Variants in MRTFA observed in about 807,000 individuals in gnomAD.
MRTFA encodes the protein myocardin-related transcription factor A.
Under a neutral mutation model 83.5 loss-of-function variants are expected in MRTFA, and 20 were observed. The observed-to-expected ratio is 0.24, with a 90% confidence interval of 0.17 to 0.35. The LOEUF (loss-of-function observed/expected upper bound fraction) is 0.35, where lower values mean the gene tolerates loss of function less well. Among genes scored for constraint, MRTFA ranks in the 10% least tolerant of loss-of-function variants. MRTFA has a pLI of 1.00. For synonymous variants in MRTFA, 659 were observed against 541.2 expected, an observed-to-expected ratio of 1.22 and a Z score of -3.02; for missense variants, 1,200 against 1,224.7, an observed-to-expected ratio of 0.98 and a Z score of 0.30.
intron 14 of MRTFA, chr22:40,413,023 G>A (rs534295833): frequency 6.7e-6 from 1 of 149,884 alleles, no homozygotes; most frequent in Non-Finnish European, 1.5e-5. Flanking sequence ...TGTAATCCCA[G>A]CTACTCAGGA....
chr22:40,532,479 C>G (rs188906375), intron 3 of MRTFA, among the ~76,000 whole-genome samples: 1 of 152,234 alleles, frequency 6.6e-6, no homozygotes, highest in East Asian at 1.9e-4. Flanking sequence ...ACACAAAGCT[C>G]AATAGATCTG....
At chr22:40,469,388 G>A (rs1278860851) in intron 3 of MRTFA, among the ~76,000 whole-genome samples, 2 of 152,034 alleles carry the variant, frequency 1.3e-5, no homozygotes, top group African/African-American at 2.4e-5. Context: ...TCCCTCTCTC[G>A]CCATGTGACA....
intron 1 of MRTFA, among the ~76,000 whole-genome samples, chr22:40,617,317 C>T (rs2056463933): frequency 6.6e-6 from 1 of 151,838 alleles, no homozygotes; most frequent in Non-Finnish European, 1.5e-5. Context: ...TGGATGAGGT[C>T]TCCTACAGAG....
chr22:40,456,671 A>G (rs2053591552), intron 4 of MRTFA, among the ~76,000 whole-genome samples: 1 of 152,192 alleles, frequency 6.6e-6, no homozygotes, highest in Admixed American at 6.5e-5. Flanking sequence ...TGGATAACAG[A>G]ACCAGATCCT....
intron 1 of MRTFA, among the ~76,000 whole-genome samples, chr22:40,633,102 T>C (rs946197097): frequency 2.6e-5 from 4 of 152,216 alleles, no homozygotes; most frequent in African/African-American, 9.6e-5. Context: ...CATCAATGTT[T>C]TCTCTTTTCT....
At chr22:40,429,344 A>G (rs1370657842) in intron 7 of MRTFA, 4 of 618,790 alleles carry the variant, frequency 6.5e-6, no homozygotes, top group Non-Finnish European at 1.2e-5. Context: ...CCGAGTTTAC[A>G]AAGATGGAAA....
At chr22:40,607,876 T>C (rs1420317723) in intron 1 of MRTFA, among the ~76,000 whole-genome samples, 1 of 152,246 alleles carries the variant, frequency 6.6e-6, no homozygotes, top group East Asian at 1.9e-4. Context: ...ATCAATTCTA[T>C]TGTTTAGATG....
At chr22:40,513,602 C>CAAAAA (rs111580647) in intron 3 of MRTFA, among the ~76,000 whole-genome samples, 1 of 65,912 alleles carries the variant, frequency 1.5e-5, no homozygotes, top group Non-Finnish European at 3.0e-5. Context: ...GACTCCATCT[C>CAAAAA]AAAAAAAAAA....
intron 3 of MRTFA, among the ~76,000 whole-genome samples, chr22:40,472,444 T>A (rs956871242): frequency 6.6e-6 from 1 of 152,254 alleles, no homozygotes; most frequent in Non-Finnish European, 1.5e-5. Flanking sequence ...TTAAGGCACA[T>A]CATCTTTTGC....
At chr22:40,524,889 C>T (rs1479059537) in intron 3 of MRTFA, among the ~76,000 whole-genome samples, 1 of 152,176 alleles carries the variant, frequency 6.6e-6, no homozygotes, top group African/African-American at 2.4e-5. Flanking sequence ...CTCACTGCAA[C>T]CTCCACCTCC....
chr22:40,430,293 G>C (rs1173712828), intron 6 of MRTFA, among the ~76,000 whole-genome samples: 3 of 151,872 alleles, frequency 2.0e-5, no homozygotes, highest in African/African-American at 4.8e-5. Flanking sequence ...TTCGAGACCA[G>C]CCTGATCAAT....
intron 2 of MRTFA, among the ~76,000 whole-genome samples, chr22:40,568,807 A>C (rs1025669000): frequency 3.3e-5 from 5 of 152,378 alleles, no homozygotes; most frequent in Middle Eastern, 3.4e-3. Flanking sequence ...GTCAGCAGTC[A>C]GTGCTGTACA....
chr22:40,486,173 A>G (rs908628010), intron 3 of MRTFA, among the ~76,000 whole-genome samples: 5 of 151,846 alleles, frequency 3.3e-5, no homozygotes, highest in Admixed American at 6.6e-5. Context: ...TCATCCCCAC[A>G]CTTGTTAGGC....
At chr22:40,513,577 G>A (rs1312487149) in intron 3 of MRTFA, among the ~76,000 whole-genome samples, 2 of 144,972 alleles carry the variant, frequency 1.4e-5, no homozygotes, top group South Asian at 2.2e-4. Context: ...CTGCAGCCTG[G>A]GCAACAAGAG....
chr22:40,468,877 AAGACT>A (rs1294317883), intron 3 of MRTFA, among the ~76,000 whole-genome samples: 1 of 152,188 alleles, frequency 6.6e-6, no homozygotes, highest in African/African-American at 2.4e-5. Flanking sequence ...AATCAACTGA[AAGACT>A]GGTCTGGTTG....
intron 1 of MRTFA, among the ~76,000 whole-genome samples, chr22:40,612,819 T>C (rs2056402533): frequency 6.6e-6 from 1 of 152,206 alleles, no homozygotes; most frequent in Non-Finnish European, 1.5e-5. Context: ...GGTATAGTGG[T>C]GCATGGCTGC....
At chr22:40,480,907 C>T (rs1243154710) in intron 3 of MRTFA, among the ~76,000 whole-genome samples, 2 of 151,882 alleles carry the variant, frequency 1.3e-5, no homozygotes, top group African/African-American at 4.8e-5. Flanking sequence ...AGCCAACATG[C>T]CCGGCCAGAG....
intron 4 of MRTFA, among the ~76,000 whole-genome samples, chr22:40,445,606 T>TGGCGCAATCTCGGC (rs1304388525): frequency 1.3e-5 from 2 of 152,150 alleles, no homozygotes; most frequent in Non-Finnish European, 2.9e-5. Flanking sequence ...ACAATCTCGA[T>TGGCGCAATCTCGGC]GGCGCAATCT....
intron 7 of MRTFA, among the ~76,000 whole-genome samples, 166 bp from the exon 8 acceptor site, chr22:40,424,547 A>G (rs1441012084): frequency 1.3e-5 from 2 of 152,230 alleles, no homozygotes; most frequent in Non-Finnish European, 2.9e-5. Context: ...TCTTGGTCCA[A>G]AAAAGCTCTG....
Sources: allele counts gnomAD v4.1 joint callset (sites outside exome capture counted in the v4.1 genomes callset), GRCh38; gene constraint gnomAD v4.1.1; transcripts MANE v1.5; gene names NCBI Gene and HGNC (gene_info 2026-07-23, HGNC 2026-07-21).